The following VAX2 variants were observed in gnomAD, a reference collection of about 807,000 sequenced individuals.
VAX2 encodes the protein ventral anterior homeobox 2.
A neutral mutation model predicts 12.5 loss-of-function variants in VAX2; 8 were observed. The ratio of observed to expected loss-of-function variants is 0.64; its 90% confidence interval spans 0.37 to 1.15. VAX2 has a LOEUF of 1.15. Ranked by LOEUF, VAX2 falls within the 50% of genes most tolerant of loss-of-function variation. The pLI is 0.01. For synonymous variants in VAX2, 183 were observed against 187.6 expected (o/e 0.98, Z 0.20); for missense variants, 476 against 412.9 (o/e 1.15, Z -1.32).
At chr2:70,924,777 G>C (rs1679531979) in intron 2 of VAX2, among the ~76,000 whole-genome samples, 1 of 152,118 alleles carries the variant, frequency 6.6e-6, no homozygotes, top group Non-Finnish European at 1.5e-5. Flanking sequence ...CTAGGCACTT[G>C]GGCTTTGGCT....
chr2:70,924,345 C>CTTGT (rs145603534), intron 2 of VAX2: 7 of 150,400 alleles, frequency 4.7e-5, no homozygotes, highest in African/African-American at 1.5e-4. Flanking sequence ...AACAGTAAGT[C>CTTGT]TTATTTATTT....
intron 2 of VAX2, among the ~76,000 whole-genome samples, chr2:70,921,773 T>C (rs1416308218): frequency 2.6e-5 from 4 of 152,046 alleles, no homozygotes; most frequent in African/African-American, 9.7e-5. Flanking sequence ...CAGTCTCTTG[T>C]TGGAAAGGAG....
At chr2:70,921,528 A>G (rs1679458829) in intron 2 of VAX2, among the ~76,000 whole-genome samples, 1 of 152,130 alleles carries the variant, frequency 6.6e-6, no homozygotes, top group African/African-American at 2.4e-5. Flanking sequence ...TTTGGATGGA[A>G]TATGGAAAAG....
intron 1 of VAX2, among the ~76,000 whole-genome samples, chr2:70,905,953 T>A (rs1553410546): frequency 6.6e-6 from 1 of 152,254 alleles, no homozygotes; most frequent in Non-Finnish European, 1.5e-5. Context: ...GCTCCCTTCT[T>A]GTTGGCTACA....
intron 2 of VAX2, among the ~76,000 whole-genome samples, chr2:70,926,548 T>A (rs898178129): frequency 1.3e-5 from 2 of 152,210 alleles, no homozygotes; most frequent in Non-Finnish European, 2.9e-5. Context: ...TCTCAAGGTA[T>A]GCTCTGGAGA....
At chr2:70,906,831 G>A (rs1371639254) in intron 1 of VAX2, among the ~76,000 whole-genome samples, 1 of 152,184 alleles carries the variant, frequency 6.6e-6, no homozygotes, top group Non-Finnish European at 1.5e-5. Context: ...AGAAACAGCT[G>A]GGTAGAGACT....
intron 1 of VAX2, 63 bp from the exon 2 acceptor site, chr2:70,921,035 G>T: frequency 6.9e-7 from 1 of 1,451,534 alleles, no homozygotes; most frequent in Non-Finnish European, 9.1e-7. Context: ...TTATTAAGAT[G>T]CTTTCTGGTG....
At chr2:70,914,823 G>A (rs1380251954) in intron 1 of VAX2, among the ~76,000 whole-genome samples, 1 of 136,466 alleles carries the variant, frequency 7.3e-6, no homozygotes, top group Non-Finnish European at 1.5e-5. Context: ...TTTTTTTTGA[G>A]ACAGAGTCTC....
rs1421883913 is a variant in VAX2 at position 70,904,104 on chromosome 2, G to GCGGAC, written c.247+3237_247+3241dup. Among the ~76,000 whole-genome samples, 21 of 152,346 alleles carry GCGGAC rather than the reference G, an allele frequency of 1.4e-4. No individual in the cohort carries two copies. Among genetic ancestry groups the GCGGAC allele is most frequent in the African/African-American group, 4.6e-4 (19 of 41,574 alleles). On this transcript the variant is annotated intron_variant, in intron 1 of 2. Transcript: ENST00000234392. The surrounding 1 kb of genome is among the most constrained non-coding windows in gnomAD (Gnocchi z 4.2). ...TAACAGGCACCCCGCACATCGCACC[G>GCGGAC]CGGACGCAGCGATCCTCCCATTTGT...
chr2:70,901,841 C>A (rs1678938688), intron 1 of VAX2, among the ~76,000 whole-genome samples: 1 of 152,210 alleles, frequency 6.6e-6, no homozygotes, highest in Non-Finnish European at 1.5e-5. Flanking sequence ...TCCTCCATCC[C>A]TAAGCCCTGG....
intron 2 of VAX2, among the ~76,000 whole-genome samples, chr2:70,929,821 C>T (rs1314663313): frequency 1.3e-5 from 2 of 152,166 alleles, no homozygotes; most frequent in East Asian, 3.9e-4. Flanking sequence ...AAACACGGCT[C>T]AAAGCCCTTG....
intron 2 of VAX2, among the ~76,000 whole-genome samples, chr2:70,930,142 G>A (rs1553414125): frequency 6.6e-6 from 1 of 152,214 alleles, no homozygotes; most frequent in East Asian, 1.9e-4. Flanking sequence ...AGGCTGCAGT[G>A]AGCTCTCATG....
At chr2:70,906,569 C>T (rs1316143618) in intron 1 of VAX2, among the ~76,000 whole-genome samples, 1 of 111,388 alleles carries the variant, frequency 9.0e-6, no homozygotes, top group Non-Finnish European at 1.7e-5. Flanking sequence ...TGCTCTGTTG[C>T]CCAGACTAGA....
chr2:70,917,359 T>C (rs1553412155), intron 1 of VAX2, among the ~76,000 whole-genome samples: 1 of 137,304 alleles, frequency 7.3e-6, no homozygotes, highest in Non-Finnish European at 1.7e-5. Context: ...AAAACAAATA[T>C]TTCATTTCCC....
intron 1 of VAX2, among the ~76,000 whole-genome samples, chr2:70,914,578 G>A (rs1195171865): frequency 2.1e-5 from 3 of 141,646 alleles, no homozygotes; most frequent in Admixed American, 6.9e-5. Flanking sequence ...TCCCTACAGT[G>A]CACCATTGTT....
intron 1 of VAX2, among the ~76,000 whole-genome samples, chr2:70,915,073 T>G (rs1179335337): frequency 4.6e-5 from 7 of 152,132 alleles, no homozygotes; most frequent in African/African-American, 1.7e-4. Flanking sequence ...AGTGCTGGGA[T>G]TACAGGCATG....
At position 70,900,704 on chromosome 2, in the gene VAX2, G is replaced by A; in HGVS notation, c.83G>A (p.Arg28His). The A allele has an allele frequency of 2.2e-6, 3 of 1,357,526 alleles. No homozygotes were observed. Among genetic ancestry groups the A allele is most frequent in the South Asian group, 1.8e-5 (1 of 56,490 alleles). 84.1% of individuals were successfully genotyped at this position (1,357,526 alleles called of 1,614,324 possible). A position where few individuals can be genotyped will look rare whatever the true frequency, so the allele number is the denominator to read the frequency against. Reference sequence around the variant, plus strand: ...GGCGGCGGTGGGCGCTGCGGAGACCGCAGCGGAGCGGGGGACTTGCGAGCT... The same window carrying A: ...GGCGGCGGTGGGCGCTGCGGAGACCACAGCGGAGCGGGGGACTTGCGAGCT... ...SGGGGGRCGDRSGAGDLRADG... is the reference protein window; with the variant it reads ...SGGGGGRCGDHSGAGDLRADG... The change falls in exon 1 of 3, where the codon CGC becomes CAC. Residue 28 changes from arginine (R) to histidine (H), a missense_variant. Physicochemically the swap from Arg to His is conservative, Grantham distance 29. Transcript: ENST00000234392.
rs142431637 is a variant in VAX2, at chr2:70,932,988, A to T, written c.657A>T (p.Leu219Phe). 2.5e-6 allele frequency: 4 copies of T among 1,607,930 alleles called. No individual in the cohort carries two copies. In the South Asian group the frequency reaches 4.4e-5, roughly 18 times the overall value. Reference protein sequence around the residue: ...GLPASHRGTSLGDPRNSSPRL... With the variant: ...GLPASHRGTSFGDPRNSSPRL... ...CTGCCAGCCACAGGGGCACCTCCTT[A>T]GGTGACCCCAGGAACTCCTCCCCAC... The change falls in exon 3 of 3, where the codon TTA becomes TTT. Residue 219 changes from leucine to phenylalanine, a missense_variant. Coordinates refer to ENST00000234392, the MANE Select transcript of VAX2 (RefSeq NM_012476.3).
intron 1 of VAX2, among the ~76,000 whole-genome samples, chr2:70,915,854 C>T (rs1448070063): frequency 1.1e-4 from 16 of 152,066 alleles, no homozygotes; most frequent in Admixed American, 9.2e-4. Flanking sequence ...ACTTCCCATG[C>T]TATTGTTTCC....
Sources: gnomAD v4.1 joint callset for allele counts (sites outside exome capture counted in the v4.1 genomes callset) on GRCh38, gnomAD v4.1.1 for gene constraint, Gnocchi (gnomAD v3.1) non-coding constraint, MANE v1.5 for transcripts, NCBI Gene and HGNC (gene_info 2026-07-23, HGNC 2026-07-21) for gene names.